SLC40A1: variants seen among roughly 807,000 people sequenced by gnomAD.
The protein encoded by SLC40A1 is ferroportin.
SLC40A1 carries 16 observed loss-of-function variants against 53.5 expected under a neutral mutation model. The observed-to-expected ratio is 0.30, with a 90% confidence interval of 0.20 to 0.45. The LOEUF is 0.45. SLC40A1 is among the 20% of genes least tolerant of loss of function. The probability of loss-of-function intolerance (pLI) is 1.00; values close to 1 mark genes in which losing one functional copy is unlikely to be tolerated. For missense variants in SLC40A1, 545 were observed against 695.4 expected, an observed-to-expected ratio of 0.78 and a Z score of 2.43; for synonymous variants, 247 against 253.2, an observed-to-expected ratio of 0.98 and a Z score of 0.23.
chr2:189,569,349 C>A (rs1213742814), intron 5 of SLC40A1, among the ~76,000 whole-genome samples: 2 of 152,218 alleles, frequency 1.3e-5, no homozygotes, highest in African/African-American at 4.8e-5. Flanking sequence ...CTGGCCTAGG[C>A]CCCTACCTGG....
At position 189,575,327 on chromosome 2, in the gene SLC40A1, T is replaced by C. The variant is rs770871545; in HGVS notation, c.112-7A>G. On this transcript the variant is annotated splice_polypyrimidine_tract_variant and splice_region_variant and intron_variant, in intron 2 of 7. Transcript: ENST00000261024. ...AGTGCCACATCCGATCTCCCTTAAATGAAAAGAGAAAATGTTTTGATGGAA... is the reference window on the plus strand; with the variant it reads ...AGTGCCACATCCGATCTCCCTTAAACGAAAAGAGAAAATGTTTTGATGGAA... 3.7e-6 allele frequency: 6 copies of C among 1,613,886 alleles called. No homozygotes were observed. The highest frequency in any genetic ancestry group is 1.3e-5 in the African/African-American group (1 of 74,892).
chr2:189,569,984 A>G (rs2031070167), intron 5 of SLC40A1, among the ~76,000 whole-genome samples: 1 of 142,186 alleles, frequency 7.0e-6, no homozygotes, highest in Non-Finnish European at 1.6e-5. Context: ...GTATATATAT[A>G]CACACCTATA....
intron 2 of SLC40A1, 23 bp downstream of exon 2, chr2:189,579,790 T>G: frequency 1.2e-6 from 2 of 1,605,568 alleles, no homozygotes; most frequent in African/African-American, 1.3e-5. Context: ...AACTGTGTTG[T>G]AAGACTATGC....
In SLC40A1 at chr2:189,561,934, C is replaced by T. The variant is rs369255146; in HGVS notation, c.1660G>A (p.Gly554Ser). ...NTLGNKLFAC[G>S]PDAKEVRKEN... ...TTCCTAACTTCTTTTGCATCAGGAC[C>T]GCAAGCAAAGAGCTTGTTTCCCAGA... is the stretch of plus-strand genomic sequence containing the variant. The change falls in exon 8 of 8, where the codon GGT becomes AGT. Residue 554 changes from glycine (G) to serine (S), a missense_variant. Physicochemically the swap from Gly to Ser is moderately conservative, Grantham distance 56. Transcript: ENST00000261024. The T allele has an allele frequency of 1.7e-5, 27 of 1,613,916 alleles. No homozygotes were observed. Among genetic ancestry groups the T allele is most frequent in the East Asian group, 4.5e-5 (2 of 44,876 alleles).
chr2:189,567,041 A>C (rs1231795971), intron 5 of SLC40A1, among the ~76,000 whole-genome samples: 1 of 152,218 alleles, frequency 6.6e-6, no homozygotes, highest in Non-Finnish European at 1.5e-5. Flanking sequence ...GAGGGGGCCA[A>C]CTGAGCTGAG....
At chr2:189,574,019 A>G (rs1402568245) in intron 3 of SLC40A1, among the ~76,000 whole-genome samples, 2 of 152,180 alleles carry the variant, frequency 1.3e-5, no homozygotes, top group East Asian at 3.8e-4. Flanking sequence ...GTAAGAGCAG[A>G]GGTGGTAACA....
At chr2:189,572,629 C>A (rs2031166327) in intron 4 of SLC40A1, 1 of 591,796 alleles carries the variant, frequency 1.7e-6, no homozygotes, top group Middle Eastern at 4.5e-4. Flanking sequence ...CCATTAGAAA[C>A]CAATAGGACA....
chr2:189,578,464 C>T, intron 2 of SLC40A1: 1 of 616,410 alleles, frequency 1.6e-6, no homozygotes, highest in Non-Finnish European at 2.1e-6. Context: ...GCAAATCTGA[C>T]CTCCTAACCT....
Position 189,568,957 on chromosome 2 carries a change from T to G in SLC40A1, c.514+2758A>C, listed in dbSNP as rs560773772. Reference sequence around the variant, plus strand: ...AAAGCCTGGGAAAAGGAAGTAAGATTCAAACGTGGCACAAGAGAATGTTAT... The same window carrying G: ...AAAGCCTGGGAAAAGGAAGTAAGATGCAAACGTGGCACAAGAGAATGTTAT... On this transcript the variant is annotated intron_variant, in intron 5 of 7. Coordinates refer to ENST00000261024, the MANE Select transcript of SLC40A1 (RefSeq NM_014585.6). Among the ~76,000 whole-genome samples the G allele has an allele frequency of 1.8e-4, 27 of 152,314 alleles. No homozygotes were observed. In the South Asian group the frequency reaches 3.3e-3, roughly 19 times the overall value.
chr2:189,566,880 T>C (rs938114669), intron 5 of SLC40A1, among the ~76,000 whole-genome samples: 84 of 152,062 alleles, frequency 5.5e-4, no homozygotes, highest in African/African-American at 1.9e-3. Flanking sequence ...GAGAAAATAG[T>C]GTGATTATCT....
At chr2:189,568,209 C>A (rs1453471683) in intron 5 of SLC40A1, among the ~76,000 whole-genome samples, 1 of 151,648 alleles carries the variant, frequency 6.6e-6, no homozygotes, top group African/African-American at 2.4e-5. Flanking sequence ...AAGACTTAGG[C>A]CGGGTGCAGT....
intron 5 of SLC40A1, among the ~76,000 whole-genome samples, chr2:189,571,386 C>A (rs2031118841): frequency 1.3e-5 from 2 of 151,432 alleles, no homozygotes; most frequent in South Asian, 4.2e-4. Flanking sequence ...AGTAAAATCT[C>A]ATGTCAGATT....
rs1377501679 is a variant in SLC40A1, at chr2:189,580,338, C to A, written c.43+80G>T. 2.2e-6 allele frequency: 3 copies of A among 1,383,230 alleles called. No individual in the cohort carries two copies. The African/African-American group carries it at 4.3e-5, about 20-fold the overall frequency. 85.7% of individuals were successfully genotyped at this position (1,383,230 alleles called of 1,614,324 possible). On this transcript the variant is annotated intron_variant, in intron 1 of 7. Coordinates refer to ENST00000261024, the MANE Select transcript of SLC40A1 (RefSeq NM_014585.6). ...TATGGTTCACAGCAGAGCCACATTC[C>A]TCCAGAACTCGTGTAGAGTTGCTTG...
chr2:189,567,431 A>G (rs1328803021), intron 5 of SLC40A1, among the ~76,000 whole-genome samples: 1 of 152,232 alleles, frequency 6.6e-6, no homozygotes, highest in African/African-American at 2.4e-5. Context: ...TCTCCATCTC[A>G]TCTCATCACA....
At chr2:189,568,488 CAA>C (rs879346717) in intron 5 of SLC40A1, among the ~76,000 whole-genome samples, 2 of 124,528 alleles carry the variant, frequency 1.6e-5, no homozygotes, top group Non-Finnish European at 3.5e-5. Context: ...GACTCCGTCT[CAA>C]AAAAAAAAAA....
chr2:189,561,442 G>A lies in SLC40A1; in HGVS notation c.*436C>T, dbSNP rs1040038023. 22 of 166,726 alleles carry A rather than the reference G, an allele frequency of 1.3e-4. 1 individual carries two copies. The highest frequency in any genetic ancestry group is 1.3e-3 in the Admixed American group (22 of 17,212). 10.3% of individuals were successfully genotyped at this position (166,726 alleles called of 1,614,324 possible). ...TTTAGTCTTCATACTTGAAGAATTT[G>A]TTTTTAAAAATAACTAAGATGCAAA... On this transcript the variant is annotated 3_prime_UTR_variant, in exon 8 of 8. Coordinates refer to ENST00000261024, the MANE Select transcript of SLC40A1 (RefSeq NM_014585.6).
At chr2:189,577,532 T>C (rs778024219) in intron 2 of SLC40A1, among the ~76,000 whole-genome samples, 9 of 152,064 alleles carry the variant, frequency 5.9e-5, no homozygotes, top group Non-Finnish European at 1.2e-4. Context: ...TTCACTGTCT[T>C]ACACTGTCAT....
chr2:189,579,916 G>A (rs537719676), intron 1 of SLC40A1, 36 bp from the exon 2 acceptor site: 10 of 1,595,672 alleles, frequency 6.3e-6, no homozygotes, highest in Non-Finnish European at 7.7e-6. Flanking sequence ...AAAAGCGATG[G>A]TAGTCACTTA....
intron 5 of SLC40A1, among the ~76,000 whole-genome samples, chr2:189,567,870 T>A (rs1307021673): frequency 6.6e-6 from 1 of 152,146 alleles, no homozygotes; most frequent in Non-Finnish European, 1.5e-5. Flanking sequence ...CACTAACTAA[T>A]AAGTTTCCAA....
Sources: gnomAD v4.1 joint callset for allele counts (sites outside exome capture counted in the v4.1 genomes callset) on GRCh38, gnomAD v4.1.1 for gene constraint, MANE v1.5 for transcripts, NCBI Gene and HGNC (gene_info 2026-07-23, HGNC 2026-07-21) for gene names.